TBC1D5: variants seen among roughly 807,000 people sequenced by gnomAD.
TBC1D5 encodes TBC1 domain family member 5.
Under a neutral mutation model 100.3 loss-of-function variants are expected in TBC1D5, and 75 were observed. The observed-to-expected ratio is 0.75, with a 90% CI of 0.62 to 0.91. TBC1D5 has a LOEUF of 0.91. TBC1D5 is among the 40% of genes least tolerant of loss of function. The pLI, the probability that TBC1D5 is intolerant of heterozygous loss-of-function variation, is 0.00. For synonymous variants in TBC1D5, 323 were observed against 325.6 expected (o/e 0.99, Z 0.09); for missense variants, 910 against 942.4 (o/e 0.97, Z 0.45).
At position 17,268,158 on chromosome 3, in the gene TBC1D5, C is replaced by T. The variant is rs78050954; in HGVS notation, c.1246-9567G>A. ...TGCCTTTGGATTATCTTATTCTAGA[C>T]TCCATGTGTCATTTTAAAAAAGAAC... On this transcript the variant is annotated intron_variant, in intron 15 of 21. Coordinates refer to ENST00000253692, the Ensembl canonical transcript of TBC1D5. 4.8e-3 allele frequency among the ~76,000 whole-genome samples: 724 copies of T among 151,904 alleles called. 6 individuals carry two copies. Among genetic ancestry groups the T allele is most frequent in the African/African-American group, 0.017 (696 of 41,454 alleles).
intron 2 of TBC1D5, among the ~76,000 whole-genome samples, chr3:17,592,280 C>T (rs2060277223): frequency 1.3e-5 from 2 of 152,302 alleles, no homozygotes; most frequent in South Asian, 2.1e-4. Context: ...TGGTCCATTA[C>T]ATTGATGACA....
intron 13 of TBC1D5, among the ~76,000 whole-genome samples, chr3:17,332,302 G>A (rs976995367): frequency 6.6e-6 from 1 of 152,184 alleles, no homozygotes; most frequent in Admixed American, 6.5e-5. Context: ...AGGTGGGCAA[G>A]TAAGTGGATG....
intron 16 of TBC1D5, among the ~76,000 whole-genome samples, chr3:17,239,676 C>T (rs920936804): frequency 2.6e-5 from 4 of 152,158 alleles, no homozygotes; most frequent in Non-Finnish European, 4.4e-5. Context: ...CTCTTAACCA[C>T]TACTTTCTCT....
chr3:17,295,027 A>C (rs2082112711), intron 14 of TBC1D5, among the ~76,000 whole-genome samples: 1 of 152,222 alleles, frequency 6.6e-6, no homozygotes, highest in South Asian at 2.1e-4. Context: ...TATTCTATCA[A>C]AGCAGGGCAG....
At chr3:17,673,484 T>C (rs1021572822) in intron 1 of TBC1D5, among the ~76,000 whole-genome samples, 3 of 113,516 alleles carry the variant, frequency 2.6e-5, no homozygotes, top group Non-Finnish European at 2.0e-5. Context: ...ATAATGTTTG[T>C]ATTTTTTTTT....
At chr3:17,554,376 A>T (rs1422220873) in intron 2 of TBC1D5, among the ~76,000 whole-genome samples, 2 of 152,192 alleles carry the variant, frequency 1.3e-5, no homozygotes, top group African/African-American at 4.8e-5. Context: ...ATGGCTGCTC[A>T]CAGCTAATGA....
chr3:17,264,227 C>T (rs1456801121), intron 15 of TBC1D5, among the ~76,000 whole-genome samples: 1 of 151,980 alleles, frequency 6.6e-6, no homozygotes, highest in Non-Finnish European at 1.5e-5. Context: ...AAGAAGTACA[C>T]ATAACTATAA....
intron 18 of TBC1D5, among the ~76,000 whole-genome samples, chr3:17,211,115 T>C (rs2072928016): frequency 6.6e-6 from 1 of 152,248 alleles, no homozygotes; most frequent in Admixed American, 6.5e-5. Context: ...TTCAAGTGTC[T>C]GGTGATCTTT....
intron 8 of TBC1D5, among the ~76,000 whole-genome samples, chr3:17,401,280 C>CATATACATGTATGTGTATAATAT (rs1559805374): frequency 7.3e-6 from 1 of 136,310 alleles, no homozygotes; most frequent in Non-Finnish European, 1.6e-5. Flanking sequence ...GTGTATAATA[C>CATATACATGTATGTGTATAATAT]ACATATATAT....
chr3:17,203,140 G>C (rs768918791), intron 18 of TBC1D5, among the ~76,000 whole-genome samples: 1 of 152,218 alleles, frequency 6.6e-6, no homozygotes, highest in Non-Finnish European at 1.5e-5. Flanking sequence ...CCAAGGCCTT[G>C]GAAGCCCACC....
chr3:17,572,165 GCT>G (rs150454002), intron 2 of TBC1D5, among the ~76,000 whole-genome samples: 22 of 149,008 alleles, frequency 1.5e-4, no homozygotes, highest in Non-Finnish European at 1.9e-4. Context: ...GCTTATTCCT[GCT>G]CTCTCTCTCT....
chr3:17,398,728 A>G (rs1454638302), intron 8 of TBC1D5, among the ~76,000 whole-genome samples: 1 of 134,922 alleles, frequency 7.4e-6, no homozygotes, highest in Non-Finnish European at 1.6e-5. Flanking sequence ...AATGACACCA[A>G]TAATCCTGCA....
intron 3 of TBC1D5, among the ~76,000 whole-genome samples, chr3:17,456,730 G>A (rs2095093588): frequency 6.6e-6 from 1 of 152,022 alleles, no homozygotes; most frequent in Non-Finnish European, 1.5e-5. Flanking sequence ...AGAACAGTTT[G>A]GAGGTTCCTC....
chr3:17,533,889 C>CAGATAGATAGAT (rs575715302), intron 2 of TBC1D5, among the ~76,000 whole-genome samples: 104 of 151,940 alleles, frequency 6.8e-4, no homozygotes, highest in African/African-American at 2.3e-3. Flanking sequence ...ACCTATCATT[C>CAGATAGATAGAT]AGATAGATAG....
intron 3 of TBC1D5, among the ~76,000 whole-genome samples, chr3:17,457,562 T>A (rs1268797102): frequency 6.6e-6 from 1 of 152,218 alleles, no homozygotes; most frequent in Non-Finnish European, 1.5e-5. Flanking sequence ...CATCTGATGT[T>A]GAATGTTGCC....
rs369272077 is a variant in TBC1D5 at position 17,292,436 on chromosome 3, C to T, written c.1139-435G>A. ...CCTTATTATGCATTACAACTTGTTA[C>T]ATTTTCTTTTGTATAGGTAAACATT... On this transcript the variant is annotated intron_variant, in intron 14 of 21. Coordinates refer to ENST00000253692, the Ensembl canonical transcript of TBC1D5. 7.2e-5 allele frequency among the ~76,000 whole-genome samples: 11 copies of T among 152,224 alleles called. No individual in the cohort carries two copies. The East Asian group carries it at 1.5e-3, about 21-fold the overall frequency.
At chr3:17,472,578 C>T (rs2095390674) in intron 3 of TBC1D5, among the ~76,000 whole-genome samples, 1 of 152,120 alleles carries the variant, frequency 6.6e-6, no homozygotes, top group Admixed American at 6.5e-5. Flanking sequence ...AGCACTTATC[C>T]CTATAGAACC....
intron 15 of TBC1D5, among the ~76,000 whole-genome samples, chr3:17,280,019 A>G (rs1014650179): frequency 3.9e-5 from 6 of 152,208 alleles, no homozygotes; most frequent in Non-Finnish European, 8.8e-5. Context: ...AGTTGGAGGT[A>G]ATTAGTCACT....
chr3:17,665,953 A>G (rs1272689822), intron 1 of TBC1D5, among the ~76,000 whole-genome samples: 1 of 152,162 alleles, frequency 6.6e-6, no homozygotes, highest in Non-Finnish European at 1.5e-5. Flanking sequence ...TTCCAACTAG[A>G]AAAGTTTCCA....
Sources: gnomAD v4.1 joint callset for allele counts (sites outside exome capture counted in the v4.1 genomes callset) on GRCh38, gnomAD v4.1.1 for gene constraint, MANE v1.5 for transcripts, NCBI Gene and HGNC (gene_info 2026-07-23, HGNC 2026-07-21) for gene names.